The following NTNG1 variants were observed in gnomAD, a reference collection of about 807,000 sequenced individuals.
The protein encoded by NTNG1 is netrin-G1.
NTNG1 carries 16 observed loss-of-function variants against 54.0 expected under a neutral mutation model. The observed-to-expected ratio is 0.30, with a 90% CI of 0.20 to 0.45. NTNG1 has a LOEUF of 0.45. NTNG1 is among the 20% of genes least tolerant of loss of function. The probability of loss-of-function intolerance (pLI) is 1.00; values close to 1 mark genes in which losing one functional copy is unlikely to be tolerated. For synonymous variants in NTNG1, 255 were observed against 263.1 expected (o/e 0.97, Z 0.30); for missense variants, 530 against 678.7 (o/e 0.78, Z 2.43).
chr1:107,274,658 A>G (rs1387526910), intron 2 of NTNG1, among the ~76,000 whole-genome samples: 2 of 152,222 alleles, frequency 1.3e-5, no homozygotes, highest in Non-Finnish European at 2.9e-5. Context: ...ACTCGAACAT[A>G]TTCTGCTACC....
intron 3 of NTNG1, among the ~76,000 whole-genome samples, chr1:107,338,701 C>G (rs949020927): frequency 1.3e-5 from 2 of 151,788 alleles, no homozygotes; most frequent in African/African-American, 4.8e-5. Context: ...CATGCTGACT[C>G]TCCGGTTCAC....
At chr1:107,215,468 T>G (rs1027476628) in intron 2 of NTNG1, among the ~76,000 whole-genome samples, 21 of 152,238 alleles carry the variant, frequency 1.4e-4, no homozygotes, top group Non-Finnish European at 5.9e-5. Flanking sequence ...TTTTGGGTTC[T>G]CTATTCTGTT....
At chr1:107,401,329 G>A (rs962977813) in intron 4 of NTNG1, among the ~76,000 whole-genome samples, 2 of 152,140 alleles carry the variant, frequency 1.3e-5, no homozygotes, top group African/African-American at 4.8e-5. Context: ...GTATGACCAA[G>A]CTGTAGGCCC....
chr1:107,386,606 G>A (rs1348648602), intron 3 of NTNG1, among the ~76,000 whole-genome samples: 1 of 152,112 alleles, frequency 6.6e-6, no homozygotes, highest in African/African-American at 2.4e-5. Context: ...CCATTGTATG[G>A]ATATACTGAA....
At chr1:107,322,893 C>T (rs1427099112) in intron 2 of NTNG1, among the ~76,000 whole-genome samples, 1 of 151,946 alleles carries the variant, frequency 6.6e-6, no homozygotes, top group Non-Finnish European at 1.5e-5. Flanking sequence ...CTTTAGGATT[C>T]GGTTACATTA....
intron 3 of NTNG1, among the ~76,000 whole-genome samples, chr1:107,382,029 ATTTTCC>A (rs1671676582): frequency 6.6e-6 from 1 of 152,036 alleles, no homozygotes; most frequent in Non-Finnish European, 1.5e-5. Flanking sequence ...GGTTGGTTCA[ATTTTCC>A]TTGAACCAAC....
intron 4 of NTNG1, among the ~76,000 whole-genome samples, chr1:107,398,494 T>C (rs1200578819): frequency 6.6e-6 from 1 of 152,156 alleles, no homozygotes; most frequent in Admixed American, 6.6e-5. Flanking sequence ...CACTGTTGTA[T>C]GAAACATGTA....
At position 107,324,670 on chromosome 1, in the gene NTNG1, C is replaced by A; in HGVS notation, c.635C>A (p.Thr212Lys). The change falls in exon 3 of 8, where the codon ACA becomes AAA. Residue 212 changes from threonine to lysine, a missense_variant. Physicochemically the swap from Thr to Lys is moderately conservative, Grantham distance 78 (BLOSUM62 -1). Around this residue, in one of 2 missense-constraint regions of NTNG1, gnomAD observed 318 missense variants for 465.1 expected, o/e 0.68. Coordinates refer to ENST00000370068, the MANE Select transcript of NTNG1 (RefSeq NM_001113226.3). ...ATCATTTGCACAGAAGAGTACTCAA[C>A]AGGGTATACAACAAATAGCAAAATA... ...LEIICTEEYS[T>K]GYTTNSKIIH... The A allele has an allele frequency of 6.2e-7, 1 of 1,613,626 alleles. No individual in the cohort carries two copies.
At chr1:107,234,543 C>T (rs1557832032) in intron 2 of NTNG1, among the ~76,000 whole-genome samples, 1 of 152,098 alleles carries the variant, frequency 6.6e-6, no homozygotes, top group Non-Finnish European at 1.5e-5. Flanking sequence ...TTTTGATCCA[C>T]GCAGCCATTT....
chr1:107,194,670 T>C (rs575545476), intron 2 of NTNG1, among the ~76,000 whole-genome samples: 1 of 152,056 alleles, frequency 6.6e-6, no homozygotes, highest in Non-Finnish European at 1.5e-5. Context: ...GTAGACACTG[T>C]TAAGTCTTCA....
At chr1:107,400,638 G>A (rs11185108) in intron 4 of NTNG1, among the ~76,000 whole-genome samples, 64,561 of 149,674 alleles carry the variant, frequency 0.43, 14,933 homozygotes, top group Non-Finnish European at 0.52. Flanking sequence ...CTTCATCAAC[G>A]TTTGTGGAAT....
rs1286576484 is a variant in NTNG1 at position 107,483,026 on chromosome 1, A to T, written c.*2186A>T. 1 of 152,228 alleles carries T rather than the reference A, an allele frequency of 6.6e-6. No individual in the cohort carries two copies. Among genetic ancestry groups the T allele is most frequent in the African/African-American group, 2.4e-5 (1 of 41,460 alleles). The allele number at this position is 152,228 out of a possible 1,614,324, so 9.4% of individuals were successfully genotyped here. A position where few individuals can be genotyped will look rare whatever the true frequency, so the allele number is the denominator to read the frequency against. On this transcript the variant is annotated 3_prime_UTR_variant, in exon 8 of 8. Transcript: ENST00000370068. Reference sequence around the variant, plus strand: ...ATTGGAGATTTACGTTGGAAGCATAAATAGAAAATTATATTTCAGGCTCAC... The same window carrying T: ...ATTGGAGATTTACGTTGGAAGCATATATAGAAAATTATATTTCAGGCTCAC...
intron 2 of NTNG1, among the ~76,000 whole-genome samples, chr1:107,209,020 G>A (rs1570856651): frequency 6.6e-6 from 1 of 152,030 alleles, no homozygotes; most frequent in South Asian, 2.1e-4. Context: ...TTTGTATTTT[G>A]TGTTCATGAG....
At chr1:107,164,153 T>C (rs1655601180) in intron 2 of NTNG1, among the ~76,000 whole-genome samples, 1 of 152,210 alleles carries the variant, frequency 6.6e-6, no homozygotes, top group African/African-American at 2.4e-5. Flanking sequence ...AAAGAGGTGC[T>C]ATTTCCTTCC....
chr1:107,178,178 T>C (rs1656787709), intron 2 of NTNG1, among the ~76,000 whole-genome samples: 1 of 152,222 alleles, frequency 6.6e-6, no homozygotes, highest in African/African-American at 2.4e-5. Context: ...TCTGCAGACA[T>C]TTTTCAATAT....
At chr1:107,159,856 G>A (rs1489598024) in intron 2 of NTNG1, among the ~76,000 whole-genome samples, 1 of 152,160 alleles carries the variant, frequency 6.6e-6, no homozygotes, top group East Asian at 1.9e-4. Context: ...AGGGATAAGA[G>A]AACTGATCAA....
At chr1:107,229,864 T>C (rs1278706083) in intron 2 of NTNG1, among the ~76,000 whole-genome samples, 1 of 152,026 alleles carries the variant, frequency 6.6e-6, no homozygotes, top group Non-Finnish European at 1.5e-5. Flanking sequence ...TGGAAGAAAA[T>C]GCAGTGGTTC....
At chr1:107,475,913 G>C (rs1272659183) in intron 7 of NTNG1, among the ~76,000 whole-genome samples, 2 of 152,082 alleles carry the variant, frequency 1.3e-5, no homozygotes, top group African/African-American at 4.8e-5. Context: ...AATACCCATG[G>C]GAGCAAAATC....
At chr1:107,358,277 T>G (rs974997204) in intron 3 of NTNG1, among the ~76,000 whole-genome samples, 7 of 152,154 alleles carry the variant, frequency 4.6e-5, no homozygotes, top group Non-Finnish European at 8.8e-5. Flanking sequence ...TTTAAAAATT[T>G]AGTTCTTCAA....
Sources: gnomAD v4.1 joint callset for allele counts (sites outside exome capture counted in the v4.1 genomes callset) on GRCh38, gnomAD v4.1.1 for gene constraint, gnomAD v4.1.1 regional missense constraint, MANE v1.5 for transcripts, NCBI Gene and HGNC (gene_info 2026-07-23, HGNC 2026-07-21) for gene names.